The following RANBP2 variants were observed in gnomAD, a reference collection of about 807,000 sequenced individuals.
The protein encoded by RANBP2 is E3 SUMO-protein ligase RanBP2.
A neutral mutation model predicts 303.6 loss-of-function variants in RANBP2; 57 were observed. That is an observed-to-expected ratio of 0.19 (90% CI 0.15 to 0.23). The LOEUF is 0.23. Among genes scored for constraint, RANBP2 ranks in the 10% least tolerant of loss-of-function variants. The pLI, the probability that RANBP2 is intolerant of heterozygous loss-of-function variation, is 1.00. For synonymous variants in RANBP2, 1,167 were observed against 1,301.5 expected (o/e 0.90, Z 2.23); for missense variants, 3,138 against 3,780.8 (o/e 0.83, Z 4.46).
At chr2:109,227,514 T>TCA in the RANBP2 span, among the ~76,000 whole-genome samples, 1 of 152,174 alleles carries the variant, frequency 6.6e-6, no homozygotes, top group African/African-American at 2.4e-5. Flanking sequence ...GTTGGGTGCT[T>TCA]TGTGTGGGCT....
the RANBP2 span, among the ~76,000 whole-genome samples, chr2:109,177,800 A>G: frequency 6.6e-6 from 1 of 152,252 alleles, no homozygotes; most frequent in South Asian, 2.1e-4. Context: ...AAAGCCTATT[A>G]GACAAGGCAA....
chr2:108,764,876 A>G lies in RANBP2; in HGVS notation c.4337A>G (p.Lys1446Arg), dbSNP rs766135134. ...TGTCAGAATACAAAATCTGCTAACAAAAGTGGATCTTCATTTGTTCATCAA... is the reference window on the plus strand; with the variant it reads ...TGTCAGAATACAAAATCTGCTAACAGAAGTGGATCTTCATTTGTTCATCAA... The part of the protein sequence containing the change: ...IACQNTKSAN[K>R]SGSSFVHQAS... Residue 1446 changes from lysine (K) to arginine (R), a missense_variant, in exon 20 of 29, where the codon AAA (lysine) becomes AGA (arginine). Physicochemically the swap from Lys to Arg is conservative, Grantham distance 26 (BLOSUM62 2). Transcript: ENST00000283195. 3.1e-6 allele frequency: 5 copies of G among 1,614,024 alleles called. No individual in the cohort carries two copies. The East Asian group carries it at 1.1e-4, about 36-fold the overall frequency.
At chr2:108,971,093 T>C in the RANBP2 span, among the ~76,000 whole-genome samples, 1 of 152,096 alleles carries the variant, frequency 6.6e-6, no homozygotes, top group East Asian at 1.9e-4. Flanking sequence ...GGGGGATTCT[T>C]CACCCCCTCC....
At chr2:109,725,204 C>T in the RANBP2 span, among the ~76,000 whole-genome samples, 1 of 152,306 alleles carries the variant, frequency 6.6e-6, no homozygotes, top group South Asian at 2.1e-4. Flanking sequence ...CTTCGCCCTC[C>T]CCTCCCTCTT....
chr2:109,497,081 G>A, the RANBP2 span, among the ~76,000 whole-genome samples: 2,085 of 152,334 alleles, frequency 0.014, 33 homozygotes, highest in East Asian at 0.075. Flanking sequence ...TTGGCCCAGT[G>A]AGACCACGTT....
At position 108,753,461 on chromosome 2, in the gene RANBP2, C is replaced by T. The variant is rs756288262; in HGVS notation, c.1953C>T (p.His651=). Reference sequence around the variant, plus strand: ...TTGTTGAATATGAAGAAGACGCACACATAACTTTTGCTATATTGGATGCAG... The same window carrying T: ...TTGTTGAATATGAAGAAGACGCACATATAACTTTTGCTATATTGGATGCAG... ...SEIVEYEEDA[H]ITFAILDAVN... Residue 651 remains histidine (H), a synonymous_variant, in exon 14 of 29, where the codon CAC becomes CAT. Transcript: ENST00000283195. 3 of 1,611,844 alleles carry T rather than the reference C, an allele frequency of 1.9e-6. No homozygotes were observed. In the South Asian group the frequency reaches 3.3e-5, roughly 18 times the overall value.
chr2:108,897,309 A>C, the RANBP2 span: 3 of 1,352,466 alleles, frequency 2.2e-6, no homozygotes. Flanking sequence ...ATTTAAATGA[A>C]ATAAAAATTA....
the RANBP2 span, among the ~76,000 whole-genome samples, chr2:108,899,878 C>T: frequency 2.6e-5 from 4 of 151,928 alleles, no homozygotes; most frequent in Non-Finnish European, 4.4e-5. Context: ...CCCAGCTACT[C>T]GGGAGGCTGA....
chr2:109,673,661 C>T, the RANBP2 span, among the ~76,000 whole-genome samples: 61 of 151,568 alleles, frequency 4.0e-4, no homozygotes, highest in African/African-American at 6.8e-4. Flanking sequence ...GTCAGGAGTT[C>T]GAGACGAGCC....
the RANBP2 span, among the ~76,000 whole-genome samples, chr2:109,295,985 T>C: frequency 6.6e-6 from 1 of 152,074 alleles, no homozygotes; most frequent in Non-Finnish European, 1.5e-5. Context: ...TCACTATAGC[T>C]TGGTTGGAGA....
At chr2:109,727,013 G>A in the RANBP2 span, among the ~76,000 whole-genome samples, 31 of 152,142 alleles carry the variant, frequency 2.0e-4, no homozygotes, top group African/African-American at 6.3e-4. Context: ...CTAACTTCAG[G>A]GGGCTACAGT....
At chr2:109,584,474 CAAAAAAAAA>C in the RANBP2 span, among the ~76,000 whole-genome samples, 1 of 72,014 alleles carries the variant, frequency 1.4e-5, no homozygotes, top group South Asian at 5.6e-4. Flanking sequence ...GACTCTGTCT[CAAAAAAAAA>C]AAAAAAAAAA....
downstream of RANBP2, among the ~76,000 whole-genome samples, chr2:108,790,579 G>T (rs1679743469): frequency 6.6e-6 from 1 of 152,206 alleles, no homozygotes; most frequent in Non-Finnish European, 1.5e-5. Context: ...GCGGGTGCCT[G>T]TAGTCCCAGC....
the RANBP2 span, among the ~76,000 whole-genome samples, chr2:109,062,255 T>C: frequency 1.3e-5 from 2 of 152,318 alleles, no homozygotes; most frequent in East Asian, 3.9e-4. Context: ...TAAGGAAACA[T>C]GTTACTCTTC....
chr2:109,364,297 C>T, the RANBP2 span, among the ~76,000 whole-genome samples: 50 of 152,116 alleles, frequency 3.3e-4, no homozygotes, highest in South Asian at 1.0e-2. Context: ...TTCTTCATTT[C>T]TGCTACAGGG....
the RANBP2 span, among the ~76,000 whole-genome samples, chr2:108,938,314 T>C: frequency 2.6e-5 from 4 of 152,230 alleles, no homozygotes; most frequent in Non-Finnish European, 5.9e-5. Flanking sequence ...AACATGGTTA[T>C]TGCTGCTTGT....
the RANBP2 span, among the ~76,000 whole-genome samples, chr2:109,006,570 C>T: frequency 2.0e-5 from 3 of 152,228 alleles, no homozygotes; most frequent in Middle Eastern, 6.8e-3. Context: ...AATACACTTG[C>T]GAGTCGTGGC....
At chr2:109,516,586 A>T in the RANBP2 span, among the ~76,000 whole-genome samples, 1 of 152,114 alleles carries the variant, frequency 6.6e-6, no homozygotes, top group Non-Finnish European at 1.5e-5. Context: ...TGCTGGTCCC[A>T]CTCCAGCCAC....
At chr2:109,656,997 T>C in the RANBP2 span, among the ~76,000 whole-genome samples, 3 of 152,220 alleles carry the variant, frequency 2.0e-5, no homozygotes, top group African/African-American at 7.2e-5. Context: ...GACAATATTC[T>C]GGCCCATTAT....
Sources: allele counts gnomAD v4.1 joint callset (sites outside exome capture counted in the v4.1 genomes callset), GRCh38; gene constraint gnomAD v4.1.1; transcripts MANE v1.5; gene names NCBI Gene and HGNC (gene_info 2026-07-23, HGNC 2026-07-21).